The following COL22A1 variants were observed in gnomAD, a reference collection of about 807,000 sequenced individuals.
COL22A1 encodes the protein collagen alpha-1(XXII) chain.
In COL22A1, 221 loss-of-function variants were observed where a neutral mutation model predicts 248.9. The ratio of observed to expected loss-of-function variants is 0.89; its 90% CI spans 0.80 to 0.99. The LOEUF is 0.99. Among genes scored for constraint, COL22A1 ranks in the 50% least tolerant of loss-of-function variants. The pLI, the probability that COL22A1 is intolerant of heterozygous loss-of-function variation, is 0.00. For synonymous variants in COL22A1, 891 were observed against 793.4 expected (o/e 1.12, Z -2.07); for missense variants, 2,240 against 2,179.0 (o/e 1.03, Z -0.56).
intron 3 of COL22A1, among the ~76,000 whole-genome samples, chr8:138,857,246 A>C (rs2131936866): frequency 6.6e-6 from 1 of 151,990 alleles, no homozygotes; most frequent in South Asian, 2.1e-4. Context: ...GTCCACTACC[A>C]CTGCTCACAC....
chr8:138,596,842 G>A (rs1817573864), intron 62 of COL22A1, 62 bp downstream of exon 62: 2 of 1,478,056 alleles, frequency 1.4e-6, no homozygotes, highest in East Asian at 2.3e-5. Flanking sequence ...ATTCAAGGCT[G>A]AGTGAGAGAA....
intron 3 of COL22A1, among the ~76,000 whole-genome samples, chr8:138,861,284 A>G (rs1353952784): frequency 6.6e-6 from 1 of 152,218 alleles, no homozygotes; most frequent in African/African-American, 2.4e-5. Flanking sequence ...CATGAAGCTC[A>G]TGGGATCTGG....
At chr8:138,798,247 G>T (rs2131611199) in intron 11 of COL22A1, among the ~76,000 whole-genome samples, 1 of 151,322 alleles carries the variant, frequency 6.6e-6, no homozygotes, top group South Asian at 2.1e-4. Flanking sequence ...CTTTTTAGTT[G>T]GTTCATGTAG....
chr8:138,596,104 C>T (rs1254152209), intron 62 of COL22A1, among the ~76,000 whole-genome samples: 1 of 152,186 alleles, frequency 6.6e-6, no homozygotes, highest in Non-Finnish European at 1.5e-5. Flanking sequence ...TTGGAGGCTG[C>T]TTTGGGTTAA....
Position 138,755,234 on chromosome 8 carries a change from G to C in COL22A1, c.1978-24C>G, listed in dbSNP as rs367940176. On this transcript the variant is annotated intron_variant, in intron 20 of 64. Coordinates refer to ENST00000303045, the MANE Select transcript of COL22A1 (RefSeq NM_152888.3). ...CCCTGGTAACACAAGCCAAACAGAT[G>C]TTTAGTCATGACTTTTCCCCCATAT... is the stretch of plus-strand genomic sequence containing the variant. 9 of 1,611,902 alleles carry C rather than the reference G, an allele frequency of 5.6e-6. No individual in the cohort carries two copies. The African/African-American group carries it at 1.2e-4, about 22-fold the overall frequency.
chr8:138,862,526 C>T (rs566302268), intron 3 of COL22A1, among the ~76,000 whole-genome samples: 10 of 111,462 alleles, frequency 9.0e-5, no homozygotes, highest in Admixed American at 6.1e-4. Context: ...TGAGCAGAAC[C>T]CTTCTTCCTT....
At chr8:138,848,669 T>C (rs1013519101) in intron 3 of COL22A1, among the ~76,000 whole-genome samples, 3 of 152,182 alleles carry the variant, frequency 2.0e-5, no homozygotes, top group African/African-American at 7.2e-5. Context: ...CCAGTGTGTG[T>C]GTCAATCATC....
chr8:138,755,246 C>T, intron 20 of COL22A1, 36 bp from the exon 21 acceptor site: 1 of 1,606,866 alleles, frequency 6.2e-7, no homozygotes, highest in Non-Finnish European at 8.5e-7. Flanking sequence ...TTAGTCATGA[C>T]TTTTCCCCCA....
chr8:138,674,572 G>T (rs1587832808), intron 41 of COL22A1, among the ~76,000 whole-genome samples: 1 of 152,324 alleles, frequency 6.6e-6, no homozygotes, highest in African/African-American at 2.4e-5. Context: ...CTTTTCAGGT[G>T]GACTTACTTA....
intron 16 of COL22A1, among the ~76,000 whole-genome samples, chr8:138,772,524 C>T (rs962743155): frequency 5.9e-5 from 9 of 152,214 alleles, no homozygotes; most frequent in Non-Finnish European, 1.0e-4. Context: ...TACCAATCTT[C>T]GTGGCTGGAT....
At chr8:138,870,639 T>C (rs1823263406) in intron 3 of COL22A1, among the ~76,000 whole-genome samples, 1 of 151,854 alleles carries the variant, frequency 6.6e-6, no homozygotes, top group Admixed American at 6.6e-5. Context: ...GTCTGTGGTA[T>C]ACAGTGTGTT....
At chr8:138,882,876 CAT>C (rs1824344375) in intron 2 of COL22A1, among the ~76,000 whole-genome samples, 1 of 152,182 alleles carries the variant, frequency 6.6e-6, no homozygotes, top group African/African-American at 2.4e-5. Context: ...TACTGTCAGA[CAT>C]ATACAGGCCC....
chr8:138,784,351 G>C lies in COL22A1; in HGVS notation c.1597-3371C>G, dbSNP rs565113447. Among the ~76,000 whole-genome samples, 28 of 152,306 alleles carry C rather than the reference G, an allele frequency of 1.8e-4. 1 individual carries two copies. In the East Asian group the frequency reaches 5.2e-3, roughly 28 times the overall value. ...TCATCAGTTGTTTCTTGGGAAAAGT[G>C]GGGGCCACTGGTTTACTTTTGTGGG... On this transcript the variant is annotated intron_variant, in intron 12 of 64. Transcript: ENST00000303045.
chr8:138,783,845 T>C (rs2131545441), intron 12 of COL22A1, among the ~76,000 whole-genome samples: 1 of 152,304 alleles, frequency 6.6e-6, no homozygotes, highest in East Asian at 1.9e-4. Flanking sequence ...GTGGGTTTTC[T>C]TGAAGGCTTA....
chr8:138,732,155 C>A (rs545319964), intron 23 of COL22A1, among the ~76,000 whole-genome samples: 2 of 152,222 alleles, frequency 1.3e-5, no homozygotes, highest in South Asian at 4.1e-4. Context: ...CACTTTCTCC[C>A]GCCAAAAAAT....
rs773682742 is a variant in COL22A1, at chr8:138,613,904, G to C, written c.3941C>G (p.Thr1314Ser). The C allele has an allele frequency of 5.6e-6, 9 of 1,613,382 alleles. No individual in the cohort carries two copies. The African/African-American group carries it at 9.3e-5, about 17-fold the overall frequency. The part of the protein sequence containing the change: ...LPGKDGDTGP[T>S]GPQGPQGPRG... ...TGGTCCTTGGGGACCCTGTGGCCCA[G>C]TGGGTCCAGTGTCACCCTGGAACAA... The change falls in exon 56 of 65, where the codon ACT (threonine) becomes AGT (serine). Residue 1314 changes from threonine (T) to serine (S), a missense_variant. Physicochemically the swap from Thr to Ser is moderately conservative, Grantham distance 58 (BLOSUM62 1). Coordinates refer to ENST00000303045, the MANE Select transcript of COL22A1 (RefSeq NM_152888.3).
chr8:138,794,571 G>A (rs1183523587), intron 12 of COL22A1, among the ~76,000 whole-genome samples: 2 of 152,076 alleles, frequency 1.3e-5, no homozygotes, highest in East Asian at 1.9e-4. Context: ...AGATGCTCAC[G>A]TTCCCATGTT....
chr8:138,691,859 CGT>C (rs1169115861), intron 35 of COL22A1, among the ~76,000 whole-genome samples: 5 of 6,054 alleles, frequency 8.3e-4, no homozygotes, highest in South Asian at 5.6e-3. Flanking sequence ...TGTGCACGTG[CGT>C]GTGTGCATGT....
In COL22A1 at chr8:138,686,809, G is replaced by A. The variant is rs776340675; in HGVS notation, c.2863-1497C>T. Among the ~76,000 whole-genome samples the A allele has an allele frequency of 1.4e-4, 21 of 152,276 alleles. No individual in the cohort carries two copies. The East Asian group carries it at 3.3e-3, about 24-fold the overall frequency. Reference sequence around the variant, plus strand: ...ACCAATGTCCTACTTATAATGTGCCGTCCTTCAGACATGGTATAATTAAGG... The same window carrying A: ...ACCAATGTCCTACTTATAATGTGCCATCCTTCAGACATGGTATAATTAAGG... On this transcript the variant is annotated intron_variant, in intron 37 of 64. Coordinates refer to ENST00000303045, the MANE Select transcript of COL22A1 (RefSeq NM_152888.3).
Sources: allele counts gnomAD v4.1 joint callset (sites outside exome capture counted in the v4.1 genomes callset), GRCh38; gene constraint gnomAD v4.1.1; transcripts MANE v1.5; gene names NCBI Gene and HGNC (gene_info 2026-07-23, HGNC 2026-07-21).